The following EXOC6B variants were observed in gnomAD, a reference collection of about 807,000 sequenced individuals.
The protein encoded by EXOC6B is SEC15 homolog B.
Under a neutral mutation model 113.5 loss-of-function variants are expected in EXOC6B, and 54 were observed. The ratio of observed to expected loss-of-function variants is 0.48; its 90% CI spans 0.38 to 0.60. The LOEUF is 0.60. EXOC6B is among the 20% of genes least tolerant of loss of function. The pLI is 0.00. For synonymous variants in EXOC6B, 357 were observed against 339.0 expected, an observed-to-expected ratio of 1.05 and a Z score of -0.58; for missense variants, 797 against 977.5, an observed-to-expected ratio of 0.82 and a Z score of 2.46.
At chr2:72,260,243 G>A (rs1215262276) in intron 20 of EXOC6B, among the ~76,000 whole-genome samples, 1 of 152,136 alleles carries the variant, frequency 6.6e-6, no homozygotes, top group Non-Finnish European at 1.5e-5. Context: ...ATTGAACTAT[G>A]TGTATATCCA....
At position 72,184,185 on chromosome 2, in the gene EXOC6B, A is replaced by G; in HGVS notation, c.2199T>C (p.Leu733=). The part of the protein sequence containing the change: ...LQLAFIDLRQ[L]LDLFIQWDWS... The stretch of plus-strand genomic sequence containing the variant: ...AATCCCACTGGATGAAAAGATCCAA[A>G]AGCTGTAAAATATCCAAACCCCACC... Residue 733 remains leucine, a splice_region_variant and synonymous_variant, in exon 21 of 22, where the codon CTT becomes CTC. Transcript: ENST00000272427. 1 of 1,540,504 alleles carries G rather than the reference A, an allele frequency of 6.5e-7. No homozygotes were observed. The highest frequency in any genetic ancestry group is 8.8e-7 in the Non-Finnish European group (1 of 1,136,138).
rs1271724578 is a variant in EXOC6B at position 72,825,048 on chromosome 2, G to C, written c.113+750C>G. Among the ~76,000 whole-genome samples, 2 of 152,152 alleles carry C rather than the reference G, an allele frequency of 1.3e-5. No homozygotes were observed. Among genetic ancestry groups the C allele is most frequent in the African/African-American group, 2.4e-5 (1 of 41,426 alleles). ...GCATTTGTAAATCACTTTATACAAC[G>C]TCTTGGACTTTATGTAACAAGTGCT... On this transcript the variant is annotated intron_variant, in intron 1 of 21. Transcript: ENST00000272427. This position sits in a 1 kb window ranked among gnomAD's most constrained non-coding sequence, Gnocchi z 4.4.
intron 1 of EXOC6B, among the ~76,000 whole-genome samples, chr2:72,811,733 T>C (rs1340724574): frequency 6.6e-6 from 1 of 151,760 alleles, no homozygotes; most frequent in Non-Finnish European, 1.5e-5. Context: ...CCAAGTAGGG[T>C]TTATTCCAAA....
At chr2:72,544,180 T>C (rs370970487) in intron 8 of EXOC6B, among the ~76,000 whole-genome samples, 1 of 152,160 alleles carries the variant, frequency 6.6e-6, no homozygotes, top group Non-Finnish European at 1.5e-5. Context: ...TGTCTAAATA[T>C]CCACTCCTGA....
At chr2:72,401,561 A>ATGTG (rs1669766950) in intron 18 of EXOC6B, among the ~76,000 whole-genome samples, 1 of 35,424 alleles carries the variant, frequency 2.8e-5, no homozygotes, top group Non-Finnish European at 4.3e-5. Context: ...ATATATATAT[A>ATGTG]TATACATATA....
intron 20 of EXOC6B, among the ~76,000 whole-genome samples, chr2:72,189,711 T>G (rs1003062985): frequency 6.6e-6 from 1 of 151,908 alleles, no homozygotes; most frequent in Non-Finnish European, 1.5e-5. Flanking sequence ...TGGCACAAAC[T>G]CGCCACCGTG....
chr2:72,595,085 C>T lies in EXOC6B; in HGVS notation c.670-19417G>A, dbSNP rs187201328. ...ACCAACCTGACCAACATGGTGAAAC[C>T]TCATCTCTACTAAAAATACACAAAA... On this transcript the variant is annotated intron_variant, in intron 6 of 21. Coordinates refer to ENST00000272427, the MANE Select transcript of EXOC6B (RefSeq NM_015189.3). Among the ~76,000 whole-genome samples the T allele has an allele frequency of 3.0e-4, 46 of 152,000 alleles. 1 individual carries two copies. The highest frequency in any genetic ancestry group is 9.4e-4 in the African/African-American group (39 of 41,458).
rs569658450 is a variant in EXOC6B, at chr2:72,201,834, T to C, written c.2197-17647A>G. Among the ~76,000 whole-genome samples the C allele has an allele frequency of 2.0e-5, 3 of 152,292 alleles. No homozygotes were observed. In the South Asian group the frequency reaches 6.2e-4, roughly 32 times the overall value. ...TTGTGTGAGGTTGCAAGTTATTGAA[T>C]TGAGAGTCCAAGTTTACATTTTCCT... is the stretch of plus-strand genomic sequence containing the variant. On this transcript the variant is annotated intron_variant, in intron 20 of 21. Transcript: ENST00000272427.
At chr2:72,664,488 C>A (rs145908177) in intron 6 of EXOC6B, among the ~76,000 whole-genome samples, 64 of 152,170 alleles carry the variant, frequency 4.2e-4, no homozygotes, top group Non-Finnish European at 7.4e-5. Context: ...TGACCCCCCA[C>A]AGACAGTTAA....
At chr2:72,224,841 T>TGTGTGTATATATATATATGTATACGTAA (rs1297798047) in intron 20 of EXOC6B, among the ~76,000 whole-genome samples, 15 of 150,936 alleles carry the variant, frequency 9.9e-5, no homozygotes, top group African/African-American at 3.2e-4. Context: ...TGTGTGTATG[T>TGTGTGTATATATATATATGTATACGTAA]GTGTGTATAT....
intron 20 of EXOC6B, among the ~76,000 whole-genome samples, chr2:72,323,684 A>G (rs1687971722): frequency 6.6e-6 from 1 of 152,164 alleles, no homozygotes. Context: ...TGTCCTTTGC[A>G]GGGACATAGA....
At chr2:72,662,840 G>C (rs1331835718) in intron 6 of EXOC6B, among the ~76,000 whole-genome samples, 41 of 152,160 alleles carry the variant, frequency 2.7e-4, no homozygotes, top group Non-Finnish European at 7.4e-5. Flanking sequence ...CCTAGTTCAA[G>C]TGATTCTCCT....
intron 7 of EXOC6B, among the ~76,000 whole-genome samples, chr2:72,563,646 T>C (rs1704008449): frequency 6.6e-6 from 1 of 152,064 alleles, no homozygotes. Flanking sequence ...ATATACAGAT[T>C]TAGCATAGAT....
At chr2:72,817,333 T>TA (rs1686306603) in intron 1 of EXOC6B, among the ~76,000 whole-genome samples, 1 of 152,216 alleles carries the variant, frequency 6.6e-6, no homozygotes, top group African/African-American at 2.4e-5. Context: ...TATGTAGTTA[T>TA]AAAAAACATT....
intron 8 of EXOC6B, among the ~76,000 whole-genome samples, chr2:72,517,573 A>G (rs1325844316): frequency 6.6e-6 from 1 of 152,176 alleles, no homozygotes; most frequent in Non-Finnish European, 1.5e-5. Context: ...TTGGTTTGTT[A>G]AAGTTATTCT....
In EXOC6B at chr2:72,655,033, T is replaced by A. The variant is rs112405215; in HGVS notation, c.669+63070A>T. ...CAAGTCTAAATCCTACCTGTGCAAG[T>A]CTTTCACAAATTAACCATACTTCTG... On this transcript the variant is annotated intron_variant, in intron 6 of 21. Coordinates refer to ENST00000272427, the MANE Select transcript of EXOC6B (RefSeq NM_015189.3). 1.4e-4 allele frequency among the ~76,000 whole-genome samples: 22 copies of A among 152,310 alleles called. 2 individuals carry two copies. Among genetic ancestry groups the A allele is most frequent in the African/African-American group, 4.6e-4 (19 of 41,590 alleles).
intron 8 of EXOC6B, among the ~76,000 whole-genome samples, chr2:72,547,680 A>G (rs182917282): frequency 4.8e-4 from 73 of 152,316 alleles, no homozygotes; most frequent in African/African-American, 1.7e-3. Context: ...AAAGGAGCTT[A>G]AAGTACATGC....
At chr2:72,225,498 C>G (rs972725162) in intron 20 of EXOC6B, among the ~76,000 whole-genome samples, 1 of 152,026 alleles carries the variant, frequency 6.6e-6, no homozygotes, top group Non-Finnish European at 1.5e-5. Flanking sequence ...TTTAGTGGCC[C>G]TAGAGGACAG....
rs1333047280 is a variant in EXOC6B at position 72,204,674 on chromosome 2, C to T, written c.2197-20487G>A. On this transcript the variant is annotated intron_variant, in intron 20 of 21. Transcript: ENST00000272427. ...AGATTCACCTTGCGCTGAACTTGTA[C>T]GCCTGCTCTGAAGCCCCCAGTCACG... 4.6e-5 allele frequency among the ~76,000 whole-genome samples: 7 copies of T among 152,250 alleles called. No homozygotes were observed. In the East Asian group the frequency reaches 9.6e-4, roughly 21 times the overall value.
Sources: allele counts gnomAD v4.1 joint callset (sites outside exome capture counted in the v4.1 genomes callset), GRCh38; gene constraint gnomAD v4.1.1; non-coding constraint Gnocchi (gnomAD v3.1); transcripts MANE v1.5; gene names NCBI Gene and HGNC (gene_info 2026-07-23, HGNC 2026-07-21).